Variants in IL10 observed in about 807,000 individuals in gnomAD.
The protein encoded by IL10 is interleukin 10.
A neutral mutation model predicts 21.0 loss-of-function variants in IL10; 7 were observed. The ratio of observed to expected loss-of-function variants is 0.33; its 90% confidence interval spans 0.19 to 0.63. The LOEUF (loss-of-function observed/expected upper bound fraction) is 0.63, where lower values mean the gene tolerates loss of function less well. IL10 is among the 20% of genes least tolerant of loss of function. The pLI, the probability that IL10 is intolerant of heterozygous loss-of-function variation, is 0.77. For synonymous variants in IL10, 83 were observed against 79.7 expected (o/e 1.04, Z -0.22); for missense variants, 161 against 213.0 (o/e 0.76, Z 1.52).
intron 1 of IL10, among the ~76,000 whole-genome samples, chr1:206,771,750 C>G (rs1418209396): frequency 1.3e-5 from 2 of 152,234 alleles, no homozygotes; most frequent in Non-Finnish European, 2.9e-5. Context: ...GAGCCCCCCT[C>G]ATGTCCTGTT....
chr1:206,771,105 T>C lies in IL10; in HGVS notation c.226-46A>G, dbSNP rs1674819487. ...TGAGTGAGAGATTGGCGGAGGTGGC[T>C]GGGAGGAGGGGCTGCTGCAACTAGC... On this transcript the variant is annotated intron_variant, in intron 2 of 4. Transcript: ENST00000423557. The C allele has an allele frequency of 3.1e-6, 5 of 1,605,258 alleles. No individual in the cohort carries two copies. The East Asian group carries it at 8.9e-5, about 29-fold the overall frequency.
chr1:206,769,951 C>T, intron 3 of IL10, 57 bp from the exon 4 acceptor site: 13 of 1,403,120 alleles, frequency 9.3e-6, no homozygotes, highest in Non-Finnish European at 1.3e-5. Flanking sequence ...ATGTCCATCA[C>T]ACTTAGGGGA....
At position 206,769,809 on chromosome 1, in the gene IL10, C is replaced by T; in HGVS notation, c.444+20G>A. ...ATGGGTTGTGCTCTGCAGACCCTCT[C>T]TGCCACCATCCAAGCTCACCTTATT... is the stretch of plus-strand genomic sequence containing the variant. On this transcript the variant is annotated intron_variant, in intron 4 of 4. Transcript: ENST00000423557. 1 of 1,605,500 alleles carries T rather than the reference C, an allele frequency of 6.2e-7. No homozygotes were observed. The highest frequency in any genetic ancestry group is 1.3e-5 in the African/African-American group (1 of 74,886).
chr1:206,771,194 C>T lies in IL10; in HGVS notation c.226-135G>A. ...AGAAGCCTCCCCGAAGGGACTGAGC[C>T]CTTTGTAAACCCTCTGGCTGCTGGA... On this transcript the variant is annotated intron_variant, in intron 2 of 4. Coordinates refer to ENST00000423557, the MANE Select transcript of IL10 (RefSeq NM_000572.3). The T allele has an allele frequency of 5.1e-6, 6 of 1,167,206 alleles. No homozygotes were observed. In the South Asian group the frequency reaches 7.3e-5, roughly 14 times the overall value. The allele number at this position is 1,167,206 out of a possible 1,614,324, so 72.3% of individuals were successfully genotyped here.
Position 206,772,423 on chromosome 1 carries a change from C to G in IL10, c.13G>C (p.Ala5Pro). Residue 5 changes from alanine (A) to proline (P), a missense_variant, in exon 1 of 5, where the codon GCA (alanine) becomes CCA (proline). Coordinates refer to ENST00000423557, the MANE Select transcript of IL10 (RefSeq NM_000572.3). Reference sequence around the variant, plus strand: ...AGGAGGACCAGGCAACAGAGCAGTGCTGAGCTGTGCATGCCTTCTTTTGCA... The same window carrying G: ...AGGAGGACCAGGCAACAGAGCAGTGGTGAGCTGTGCATGCCTTCTTTTGCA... MHSS[A>P]LLCCLVLLTG... 6.2e-7 allele frequency: 1 copy of G among 1,614,096 alleles called. No homozygotes were observed. The highest frequency in any genetic ancestry group is 1.1e-5 in the South Asian group (1 of 91,074).
chr1:206,769,971 G>T (rs555882673), intron 3 of IL10, 77 bp from the exon 4 acceptor site: 1 of 1,186,014 alleles, frequency 8.4e-7, no homozygotes, highest in Non-Finnish European at 1.3e-6. Context: ...ACAAGCTGGT[G>T]GCATCATGAG....
intron 4 of IL10, chr1:206,769,586 C>A (rs1674761332): frequency 1.7e-6 from 1 of 588,520 alleles, no homozygotes; most frequent in Non-Finnish European, 3.1e-6. Context: ...CCAGCCTAAC[C>A]CGCAAGCCTG....
chr1:206,769,570 G>T, intron 4 of IL10: 1 of 572,386 alleles, frequency 1.7e-6, no homozygotes, highest in Non-Finnish European at 3.1e-6. Context: ...TTCACAGGCT[G>T]GCCGGCCAGC....
chr1:206,768,797 T>C (rs1301835461), intron 4 of IL10, 69 bp from the exon 5 acceptor site: 6 of 900,530 alleles, frequency 6.7e-6, no homozygotes, highest in Non-Finnish European at 7.4e-6. Context: ...CCCTCCCTCA[T>C]GCTCATGGAT....
intron 3 of IL10, chr1:206,770,492 C>T: frequency 3.8e-6 from 1 of 264,458 alleles, no homozygotes; most frequent in Non-Finnish European, 7.4e-6. Context: ...CAATTGGGCC[C>T]TTCTTAGAGC....
At position 206,768,361 on chromosome 1, in the gene IL10, CA is replaced by C. The variant is rs368980024; in HGVS notation, c.*274del. The stretch of plus-strand genomic sequence containing the variant: ...AATTTATCTTAAAACACTCAAATAC[CA>C]TAGTGTGTCACCCTATGGAAACAGC... On this transcript the variant is annotated 3_prime_UTR_variant, in exon 5 of 5. Coordinates refer to ENST00000423557, the MANE Select transcript of IL10 (RefSeq NM_000572.3). 25 of 411,900 alleles carry C rather than the reference CA, an allele frequency of 6.1e-5. No individual in the cohort carries two copies. The highest frequency in any genetic ancestry group is 5.0e-4 in the African/African-American group (25 of 50,232). 25.5% of individuals were successfully genotyped at this position (411,900 alleles called of 1,614,324 possible).
intron 1 of IL10, 59 bp downstream of exon 1, chr1:206,772,212 G>A (rs1674870961): frequency 1.4e-6 from 2 of 1,467,350 alleles, no homozygotes; most frequent in African/African-American, 2.8e-5. Context: ...AGTTCCAGGA[G>A]AATGTCTAGT....
intron 2 of IL10, 88 bp from the exon 3 acceptor site, chr1:206,771,147 G>T: frequency 2.1e-6 from 3 of 1,445,900 alleles, no homozygotes; most frequent in Admixed American, 1.7e-5. Context: ...GGACAGCTTG[G>T]TTCTAGCGAT....
chr1:206,769,850 C>G lies in IL10; in HGVS notation c.423G>C (p.Gln141His). 1 of 1,614,050 alleles carries G rather than the reference C, an allele frequency of 6.2e-7. No individual in the cohort carries two copies. Among genetic ancestry groups the G allele is most frequent in the African/African-American group, 1.3e-5 (1 of 75,052 alleles). ...PCENKSKAVE[Q>H]VKNAFNKLQE... ...TCACCTTATTAAAGGCATTCTTCAC[C>G]TGCTCCACGGCCTTGCTCTTGTTTT... Residue 141 changes from glutamine (Q) to histidine (H), a missense_variant, in exon 4 of 5, where the codon CAG becomes CAC. Gln to His is a conservative substitution (Grantham distance 24). Transcript: ENST00000423557.
chr1:206,769,913 A>G lies in IL10; in HGVS notation c.379-19T>C, dbSNP rs759391400. The G allele has an allele frequency of 1.2e-6, 2 of 1,608,690 alleles. No individual in the cohort carries two copies. The highest frequency in any genetic ancestry group is 1.7e-6 in the Non-Finnish European group (2 of 1,175,104). On this transcript the variant is annotated intron_variant, in intron 3 of 4. Coordinates refer to ENST00000423557, the MANE Select transcript of IL10 (RefSeq NM_000572.3). ...ATCGATGCTGTGGAAGAAAAGAGAA[A>G]GTGTTGGTGATCCTGGCTTCCAGCT...
rs2102441015 is a variant in IL10, at chr1:206,772,336, G to T, written c.100C>A (p.Pro34Thr). The change falls in exon 1 of 5, where the codon CCA becomes ACA. Residue 34 changes from proline to threonine, a missense_variant. By Grantham distance (38) the Pro-to-Thr change is conservative. Transcript: ENST00000423557. ...CGAAGCATGTTAGGCAGGTTGCCTG[G>T]GAAGTGGGTGCAGCTGTTCTCAGAC... is the stretch of plus-strand genomic sequence containing the variant. ...TQSENSCTHF[P>T]GNLPNMLRDL... The T allele has an allele frequency of 8.7e-6, 14 of 1,614,232 alleles. No homozygotes were observed. Among genetic ancestry groups the T allele is most frequent in the Non-Finnish European group, 1.2e-5 (14 of 1,180,032 alleles).
rs759430658 is a variant in IL10 at position 206,770,926 on chromosome 1, C to T, written c.359G>A (p.Arg120Lys). Residue 120 changes from arginine (R) to lysine (K), a missense_variant, in exon 3 of 5, where the codon AGG (arginine) becomes AAG (lysine). Coordinates refer to ENST00000423557, the MANE Select transcript of IL10 (RefSeq NM_000572.3). The stretch of plus-strand genomic sequence containing the variant: ...ACTTACACAGCGCCGTAGCCTCAGC[C>T]TGAGGGTCTTCAGGTTCTCCCCCAG... ...NSLGENLKTL[R>K]LRLRRCHRFL... 6.2e-7 allele frequency: 1 copy of T among 1,614,182 alleles called. No individual in the cohort carries two copies. The highest frequency in any genetic ancestry group is 8.5e-7 in the Non-Finnish European group (1 of 1,180,018).
chr1:206,772,296 G>T lies in IL10; in HGVS notation c.140C>A (p.Ala47Asp). 2 of 1,614,148 alleles carry T rather than the reference G, an allele frequency of 1.2e-6. No homozygotes were observed. The highest frequency in any genetic ancestry group is 1.7e-6 in the Non-Finnish European group (2 of 1,179,986). The change falls in exon 1 of 5, where the codon GCC (alanine) becomes GAC (aspartate). Residue 47 changes from alanine (A) to aspartate (D), a missense_variant. By Grantham distance (126) the Ala-to-Asp change is moderately radical. Coordinates refer to ENST00000423557, the MANE Select transcript of IL10 (RefSeq NM_000572.3). Reference sequence around the variant, plus strand: ...AAAGAAAGTCTTCACTCTGCTGAAGGCATCTCGGAGATCTCGAAGCATGTT... The same window carrying T: ...AAAGAAAGTCTTCACTCTGCTGAAGTCATCTCGGAGATCTCGAAGCATGTT... ...LPNMLRDLRDAFSRVKTFFQM... is the reference protein window; with the variant it reads ...LPNMLRDLRDDFSRVKTFFQM...
intron 3 of IL10, 138 bp from the exon 4 acceptor site, chr1:206,770,032 A>G: frequency 1.4e-6 from 1 of 722,858 alleles, no homozygotes; most frequent in Non-Finnish European, 2.5e-6. Context: ...GAGAGAACTG[A>G]GCCCTGCTTC....
Sources: allele counts gnomAD v4.1 joint callset (sites outside exome capture counted in the v4.1 genomes callset), GRCh38; gene constraint gnomAD v4.1.1; transcripts MANE v1.5; gene names NCBI Gene and HGNC (gene_info 2026-07-23, HGNC 2026-07-21).